Variants in FAF1 observed in about 807,000 individuals in gnomAD.
FAF1 encodes the protein FAS-associated factor 1.
A neutral mutation model predicts 92.5 loss-of-function variants in FAF1; 25 were observed. The ratio of observed to expected loss-of-function variants is 0.27; its 90% CI spans 0.20 to 0.38. The LOEUF is 0.38. FAF1 is among the 10% of genes least tolerant of loss of function. The probability of loss-of-function intolerance (pLI) is 1.00; values close to 1 mark genes in which losing one functional copy is unlikely to be tolerated. For missense variants in FAF1, 636 were observed against 793.3 expected (o/e 0.80, Z 2.38); for synonymous variants, 234 against 273.2 (o/e 0.86, Z 1.42).
intron 1 of FAF1, among the ~76,000 whole-genome samples, chr1:50,895,474 C>A (rs533667940): frequency 6.6e-6 from 1 of 151,984 alleles, no homozygotes; most frequent in Non-Finnish European, 1.5e-5. Context: ...CAATCCCACT[C>A]GAACTATTAC....
chr1:50,704,547 C>T (rs759979037), intron 7 of FAF1, among the ~76,000 whole-genome samples: 5 of 151,896 alleles, frequency 3.3e-5, no homozygotes, highest in Non-Finnish European at 7.4e-5. Context: ...GATGGAGCCA[C>T]GGCAAAACAT....
At chr1:50,535,279 G>T in intron 15 of FAF1, 90 bp downstream of exon 15, 2 of 821,648 alleles carry the variant, frequency 2.4e-6, no homozygotes, top group South Asian at 1.8e-5. Context: ...CTTATTTATC[G>T]ATCATATCAT....
intron 12 of FAF1, among the ~76,000 whole-genome samples, chr1:50,576,173 A>G (rs1441534714): frequency 6.6e-6 from 1 of 152,224 alleles, no homozygotes; most frequent in African/African-American, 2.4e-5. Context: ...TCTTATCCAC[A>G]GTGCTGGGTG....
intron 8 of FAF1, among the ~76,000 whole-genome samples, chr1:50,622,400 C>T (rs1653258385): frequency 6.6e-6 from 1 of 152,116 alleles, no homozygotes; most frequent in Non-Finnish European, 1.5e-5. Flanking sequence ...GCTTCAGCAT[C>T]TCCTCACCAG....
At position 50,834,298 on chromosome 1, in the gene FAF1, A is replaced by G. The variant is rs568539362; in HGVS notation, c.114+23631T>C. Among the ~76,000 whole-genome samples the G allele has an allele frequency of 2.6e-5, 4 of 152,282 alleles. No individual in the cohort carries two copies. The South Asian group carries it at 8.3e-4, about 32-fold the overall frequency. ...ATTAAATTTCGTTTCTTTATAAATT[A>G]CCCCATCTCAGTTAGTTCTTTATAG... On this transcript the variant is annotated intron_variant, in intron 2 of 18. Transcript: ENST00000396153.
chr1:50,938,551 C>A (rs912788174), intron 1 of FAF1, among the ~76,000 whole-genome samples: 2 of 152,162 alleles, frequency 1.3e-5, no homozygotes, highest in South Asian at 2.1e-4. Context: ...TTGATAGTTT[C>A]TTTTGCTGTG....
chr1:50,479,385 G>A (rs374412408), intron 17 of FAF1, among the ~76,000 whole-genome samples: 5 of 152,066 alleles, frequency 3.3e-5, no homozygotes, highest in South Asian at 2.1e-4. Context: ...GCTTCTAATC[G>A]GCCATCTTGG....
chr1:50,712,365 C>T (rs553362270), intron 6 of FAF1, among the ~76,000 whole-genome samples: 4 of 151,944 alleles, frequency 2.6e-5, no homozygotes, highest in African/African-American at 9.7e-5. Context: ...GTAAGAAATA[C>T]GCTATGTTTG....
chr1:50,689,088 T>C (rs994074985), intron 7 of FAF1, among the ~76,000 whole-genome samples: 3 of 152,130 alleles, frequency 2.0e-5, no homozygotes, highest in African/African-American at 7.2e-5. Flanking sequence ...AAAAAAGGTT[T>C]TGAAAATGGG....
At chr1:50,606,635 G>A (rs1458029147) in intron 8 of FAF1, among the ~76,000 whole-genome samples, 1 of 151,746 alleles carries the variant, frequency 6.6e-6, no homozygotes, top group East Asian at 1.9e-4. Context: ...GAGTAGCTGG[G>A]ATTATAGGGA....
intron 4 of FAF1, among the ~76,000 whole-genome samples, chr1:50,769,120 C>A (rs1660686618): frequency 6.6e-6 from 1 of 151,668 alleles, no homozygotes. Context: ...GGGGACATTA[C>A]CACCAAACCC....
At chr1:50,673,610 G>A (rs991035049) in intron 7 of FAF1, among the ~76,000 whole-genome samples, 7 of 152,102 alleles carry the variant, frequency 4.6e-5, no homozygotes, top group Non-Finnish European at 1.0e-4. Flanking sequence ...AGTTAGATAC[G>A]TGCTGTGATG....
chr1:50,724,826 T>C (rs928647180), intron 6 of FAF1, among the ~76,000 whole-genome samples: 2 of 152,216 alleles, frequency 1.3e-5, no homozygotes, highest in Non-Finnish European at 2.9e-5. Context: ...TACCATTTTT[T>C]TTACCCATTG....
chr1:50,502,616 C>G (rs1248927126), intron 15 of FAF1, among the ~76,000 whole-genome samples: 5 of 152,118 alleles, frequency 3.3e-5, no homozygotes, highest in African/African-American at 1.2e-4. Flanking sequence ...TCAGTGGCTG[C>G]TGGAGGCTGG....
At chr1:50,574,408 T>C (rs1338584080) in intron 12 of FAF1, among the ~76,000 whole-genome samples, 1 of 152,176 alleles carries the variant, frequency 6.6e-6, no homozygotes. Context: ...CCAACTCTCA[T>C]TGGTTTTCCA....
chr1:50,835,570 C>CAAAAAAAAA (rs573942977), intron 2 of FAF1, among the ~76,000 whole-genome samples: 1 of 54,904 alleles, frequency 1.8e-5, no homozygotes, highest in Non-Finnish European at 3.9e-5. Flanking sequence ...GACTCCATCT[C>CAAAAAAAAA]AAAAAAAAAA....
At chr1:50,716,979 G>A (rs1400664756) in intron 6 of FAF1, among the ~76,000 whole-genome samples, 2 of 152,162 alleles carry the variant, frequency 1.3e-5, no homozygotes, top group East Asian at 1.9e-4. Context: ...GCAAAGGTCC[G>A]TGGCTTCATT....
chr1:50,701,937 A>G (rs1657491042), intron 7 of FAF1, among the ~76,000 whole-genome samples: 1 of 152,090 alleles, frequency 6.6e-6, no homozygotes, highest in African/African-American at 2.4e-5. Flanking sequence ...GAGGATTTAA[A>G]TAATTCCAAT....
chr1:50,778,682 A>C (rs1661048683), intron 4 of FAF1, among the ~76,000 whole-genome samples: 1 of 152,214 alleles, frequency 6.6e-6, no homozygotes, highest in Non-Finnish European at 1.5e-5. Context: ...AGAAGGAGGA[A>C]GGGGAGGGGT....
Sources: allele counts gnomAD v4.1 joint callset (sites outside exome capture counted in the v4.1 genomes callset), GRCh38; gene constraint gnomAD v4.1.1; transcripts MANE v1.5; gene names NCBI Gene and HGNC (gene_info 2026-07-23, HGNC 2026-07-21).